Variants in CCSER2 observed in about 807,000 individuals in gnomAD.
CCSER2 encodes the protein serine-rich coiled-coil domain-containing protein 2.
Under a neutral mutation model 92.3 loss-of-function variants are expected in CCSER2, and 46 were observed. That is an observed-to-expected ratio of 0.50 (90% confidence interval 0.39 to 0.64). The LOEUF (loss-of-function observed/expected upper bound fraction) is 0.64. Ranked by LOEUF, CCSER2 falls within the 30% of genes least tolerant of loss-of-function variation. CCSER2 has a pLI of 0.00. For synonymous variants in CCSER2, 433 were observed against 431.4 expected (o/e 1.00, Z -0.04); for missense variants, 1,244 against 1,238.9 (o/e 1.00, Z -0.06).
chr10:84,380,526 G>A lies in CCSER2; in HGVS notation c.1614+6711G>A, dbSNP rs184114462. On this transcript the variant is annotated intron_variant, in intron 3 of 9. Transcript: ENST00000372088. ...TTTGCTTCACATGCTCATATATGGC[G>A]TGTGTGTGTAAGACACCCATTCCCA... Among the ~76,000 whole-genome samples, 12 of 151,848 alleles carry A rather than the reference G, an allele frequency of 7.9e-5. No individual in the cohort carries two copies. In the East Asian group the frequency reaches 1.9e-3, roughly 24 times the overall value.
At chr10:84,389,156 T>C (rs759504774) in intron 3 of CCSER2, 29 of 272,850 alleles carry the variant, frequency 1.1e-4, no homozygotes, top group Non-Finnish European at 2.0e-4. Flanking sequence ...TATTTTCCTT[T>C]GTGCTTCTTA....
chr10:84,341,019 G>A (rs1024535356), intron 1 of CCSER2, among the ~76,000 whole-genome samples: 1 of 147,984 alleles, frequency 6.8e-6, no homozygotes, highest in Non-Finnish European at 1.5e-5. Flanking sequence ...CTACTCTCAT[G>A]TACCACTCAA....
intron 5 of CCSER2, among the ~76,000 whole-genome samples, chr10:84,429,592 G>GT (rs1278915256): frequency 6.6e-6 from 1 of 150,526 alleles, no homozygotes; most frequent in Non-Finnish European, 1.5e-5. Context: ...CACATGATGA[G>GT]TCCCCCCGCC....
At chr10:84,385,354 C>G (rs1325042658) in intron 3 of CCSER2, among the ~76,000 whole-genome samples, 2 of 152,154 alleles carry the variant, frequency 1.3e-5, no homozygotes, top group African/African-American at 4.8e-5. Flanking sequence ...TGACTTCAAA[C>G]TATACTACAA....
chr10:84,432,450 TTA>T (rs1487077933), intron 5 of CCSER2, among the ~76,000 whole-genome samples: 1 of 152,186 alleles, frequency 6.6e-6, no homozygotes, highest in East Asian at 1.9e-4. Flanking sequence ...GTTACCATTG[TTA>T]TGTCTGTGAG....
At chr10:84,433,107 A>G (rs1428921018) in intron 5 of CCSER2, among the ~76,000 whole-genome samples, 1 of 152,114 alleles carries the variant, frequency 6.6e-6, no homozygotes, top group African/African-American at 2.4e-5. Context: ...CATTTTGATG[A>G]CTGTAGCTTT....
chr10:84,429,775 G>T (rs1393402034), intron 5 of CCSER2, among the ~76,000 whole-genome samples: 1 of 151,124 alleles, frequency 6.6e-6, no homozygotes, highest in African/African-American at 2.4e-5. Context: ...GACATGTTTG[G>T]TCATTAGTTA....
rs190117107 is a variant in CCSER2, at chr10:84,515,392, C to T, written c.*1125C>T. On this transcript the variant is annotated 3_prime_UTR_variant, in exon 10 of 10. Transcript: ENST00000372088. Reference sequence around the variant, plus strand: ...AAAGCTGGAGTTCATAATATTCTCCCCCTCCCCCATCTCCAGTCTCCTAGG... The same window carrying T: ...AAAGCTGGAGTTCATAATATTCTCCTCCTCCCCCATCTCCAGTCTCCTAGG... 1,059 of 152,204 alleles carry T rather than the reference C, an allele frequency of 7.0e-3. 7 individuals are homozygous for T. The highest frequency in any genetic ancestry group is 0.028 in the South Asian group (135 of 4,810). The allele number at this position is 152,204 out of a possible 1,614,324, so 9.4% of individuals were successfully genotyped here. A position where few individuals can be genotyped will look rare whatever the true frequency, so the allele number is the denominator to read the frequency against.
chr10:84,438,123 GGGGC>G (rs1390893452), intron 5 of CCSER2, among the ~76,000 whole-genome samples: 2 of 152,106 alleles, frequency 1.3e-5, no homozygotes, highest in African/African-American at 4.8e-5. Flanking sequence ...GCATCGTTAT[GGGGC>G]TAAAAAAGGT....
intron 1 of CCSER2, among the ~76,000 whole-genome samples, chr10:84,364,032 T>G (rs1372288574): frequency 6.6e-6 from 1 of 152,174 alleles, no homozygotes; most frequent in African/African-American, 2.4e-5. Context: ...GAATTGTTTA[T>G]CTAAAGTTAT....
rs1849609734 is a variant in CCSER2, at chr10:84,516,741, C to G, written c.*2474C>G. The stretch of plus-strand genomic sequence containing the variant: ...CTCCATGTATTTACTCCATTTTTCT[C>G]TATTTTTTCCTTCCCTGATGGATTT... On this transcript the variant is annotated 3_prime_UTR_variant, in exon 10 of 10. Transcript: ENST00000372088. 6.6e-6 allele frequency: 1 copy of G among 152,052 alleles called. No homozygotes were observed. Among genetic ancestry groups the G allele is most frequent in the Non-Finnish European group, 1.5e-5 (1 of 68,002 alleles). 9.4% of individuals were successfully genotyped at this position (152,052 alleles called of 1,614,324 possible).
chr10:84,366,895 G>A (rs1439528917), intron 1 of CCSER2, among the ~76,000 whole-genome samples: 3 of 152,112 alleles, frequency 2.0e-5, no homozygotes, highest in East Asian at 3.9e-4. Flanking sequence ...AGGAATCCTT[G>A]GTAGTAGTAC....
chr10:84,482,632 T>C (rs1429074877), intron 9 of CCSER2, among the ~76,000 whole-genome samples: 1 of 152,218 alleles, frequency 6.6e-6, no homozygotes, highest in Non-Finnish European at 1.5e-5. Flanking sequence ...AGTCCATTTG[T>C]TTGAACACCT....
intron 6 of CCSER2, among the ~76,000 whole-genome samples, chr10:84,462,789 G>A (rs1401325335): frequency 1.3e-5 from 2 of 152,168 alleles, no homozygotes; most frequent in Non-Finnish European, 2.9e-5. Context: ...GAGATTCTGT[G>A]TCAGTGGGTA....
intron 1 of CCSER2, among the ~76,000 whole-genome samples, chr10:84,370,122 TG>T (rs1476225065): frequency 1.3e-5 from 2 of 151,772 alleles, no homozygotes; most frequent in African/African-American, 4.8e-5. Context: ...GATTGTTTTT[TG>T]GTTCCATATG....
At chr10:84,382,546 A>G (rs1024524826) in intron 3 of CCSER2, among the ~76,000 whole-genome samples, 8 of 152,232 alleles carry the variant, frequency 5.3e-5, no homozygotes, top group Non-Finnish European at 1.2e-4. Flanking sequence ...ACAGTGAGCC[A>G]TACTCAGAAT....
chr10:84,343,683 A>T (rs933811189), intron 1 of CCSER2, among the ~76,000 whole-genome samples: 7 of 152,164 alleles, frequency 4.6e-5, no homozygotes, highest in Non-Finnish European at 1.5e-5. Context: ...GCTTAAGAAG[A>T]TGATGTGTTA....
rs1373626181 is a variant in CCSER2, at chr10:84,457,292, A to AT, written c.2065-6639dup. On this transcript the variant is annotated intron_variant, in intron 6 of 9. Transcript: ENST00000372088. ...ATATATAATATATTATATATTATAT[A>AT]TTATATATAATATGTTATATATAAT... is the stretch of plus-strand genomic sequence containing the variant. 1.0e-3 allele frequency among the ~76,000 whole-genome samples: 77 copies of AT among 75,764 alleles called. 1 individual carries two copies. Among genetic ancestry groups the AT allele is most frequent in the Admixed American group, 1.8e-3 (7 of 3,816 alleles). 49.7% of individuals were successfully genotyped at this position (75,764 alleles called of 152,430 possible).
At chr10:84,503,837 G>T (rs183309327) in intron 9 of CCSER2, among the ~76,000 whole-genome samples, 9 of 152,276 alleles carry the variant, frequency 5.9e-5, no homozygotes, top group African/African-American at 1.7e-4. Flanking sequence ...GTAATAGCCT[G>T]ACAGTTTCTT....
Sources: allele counts gnomAD v4.1 joint callset (sites outside exome capture counted in the v4.1 genomes callset), GRCh38; gene constraint gnomAD v4.1.1; transcripts MANE v1.5; gene names NCBI Gene and HGNC (gene_info 2026-07-23, HGNC 2026-07-21).